Variants in GLI3 observed in about 807,000 individuals in gnomAD.
GLI3 encodes transcription activator GLI3.
Under a neutral mutation model 100.8 loss-of-function variants are expected in GLI3, and 20 were observed. That is an observed-to-expected ratio of 0.20 (90% CI 0.14 to 0.29). The LOEUF is 0.29. Ranked by LOEUF, GLI3 falls within the 10% of genes least tolerant of loss-of-function variation. The pLI is 1.00. For synonymous variants in GLI3, 938 were observed against 860.5 expected (o/e 1.09, Z -1.58); for missense variants, 2,040 against 2,128.5 (o/e 0.96, Z 0.82).
chr7:42,099,899 G>A (rs1323033929), intron 3 of GLI3, among the ~76,000 whole-genome samples: 2 of 152,254 alleles, frequency 1.3e-5, no homozygotes, highest in Admixed American at 6.5e-5. Context: ...CTCTGTGACA[G>A]CATGCACATG....
chr7:42,062,458 C>T (rs764694963), intron 4 of GLI3, among the ~76,000 whole-genome samples: 16 of 152,080 alleles, frequency 1.1e-4, no homozygotes, highest in Admixed American at 7.9e-4. Flanking sequence ...CCAGGAGAAA[C>T]GATAGGGTCT....
intron 3 of GLI3, among the ~76,000 whole-genome samples, chr7:42,090,004 C>T (rs1008044875): frequency 6.6e-6 from 1 of 152,168 alleles, no homozygotes; most frequent in African/African-American, 2.4e-5. Context: ...GCCTATTACT[C>T]GTAGGCTATA....
chr7:42,048,456 A>G (rs1273240577), intron 5 of GLI3, 35 bp downstream of exon 5: 5 of 1,399,372 alleles, frequency 3.6e-6, no homozygotes, highest in East Asian at 2.3e-5. Flanking sequence ...AGGAGGCTGC[A>G]TGATCTCCAG....
chr7:42,188,057 C>T (rs1787755083), intron 2 of GLI3, among the ~76,000 whole-genome samples: 1 of 145,220 alleles, frequency 6.9e-6, no homozygotes, highest in Non-Finnish European at 1.5e-5. Flanking sequence ...GAGGGGAGAA[C>T]ATCATGTAAA....
At chr7:42,187,958 G>C (rs1295642908) in intron 2 of GLI3, among the ~76,000 whole-genome samples, 1 of 136,582 alleles carries the variant, frequency 7.3e-6, no homozygotes, top group Non-Finnish European at 1.5e-5. Flanking sequence ...AGCCGAGATC[G>C]CGCCACTGCA....
intron 1 of GLI3, among the ~76,000 whole-genome samples, chr7:42,247,542 A>G (rs1009759600): frequency 6.6e-6 from 1 of 152,206 alleles, no homozygotes; most frequent in Non-Finnish European, 1.5e-5. Context: ...AAAATATTCC[A>G]TTCATTTTCC....
intron 3 of GLI3, among the ~76,000 whole-genome samples, chr7:42,139,778 G>A (rs6463092): frequency 0.71 from 107,655 of 152,182 alleles, 39,054 homozygotes; most frequent in Admixed American, 0.82. Context: ...TGGGAGGGGA[G>A]CCCTGTGACC....
chr7:42,200,032 GACA>G (rs1279583183), intron 2 of GLI3, among the ~76,000 whole-genome samples: 2 of 152,094 alleles, frequency 1.3e-5, no homozygotes, highest in East Asian at 1.9e-4. Flanking sequence ...TTCCAGCCTG[GACA>G]ACAACAGCAA....
At chr7:42,116,715 C>T (rs1221440173) in intron 3 of GLI3, among the ~76,000 whole-genome samples, 2 of 152,154 alleles carry the variant, frequency 1.3e-5, no homozygotes. Flanking sequence ...GGTCATCTTA[C>T]TGTATGTTTT....
chr7:42,065,977 A>G (rs560091004), intron 4 of GLI3, among the ~76,000 whole-genome samples: 5 of 152,302 alleles, frequency 3.3e-5, no homozygotes, highest in African/African-American at 1.2e-4. Context: ...GGCACTTAGC[A>G]AGCACTCTGC....
At chr7:42,089,183 C>A (rs560706956) in intron 3 of GLI3, among the ~76,000 whole-genome samples, 5 of 152,174 alleles carry the variant, frequency 3.3e-5, no homozygotes, top group Admixed American at 6.5e-5. Flanking sequence ...GCCCTAGGGA[C>A]TATAGCCTCA....
Position 42,053,653 on chromosome 7 carries a change from C to T in GLI3, c.474-4957G>A, listed in dbSNP as rs528712713. Among the ~76,000 whole-genome samples the T allele has an allele frequency of 7.2e-5, 11 of 152,286 alleles. No homozygotes were observed. In the East Asian group the frequency reaches 1.5e-3, roughly 21 times the overall value. ...CACACAGAAATGAACTGAGGATCAC[C>T]GCTTTCGGTCTTTGTGGCAGTCCAC... On this transcript the variant is annotated intron_variant, in intron 4 of 14. Transcript: ENST00000395925.
chr7:42,129,296 G>A (rs761588718), intron 3 of GLI3, among the ~76,000 whole-genome samples: 1 of 152,198 alleles, frequency 6.6e-6, no homozygotes, highest in Non-Finnish European at 1.5e-5. Flanking sequence ...GTTAGGAGTG[G>A]CAGAATTAGG....
intron 10 of GLI3, among the ~76,000 whole-genome samples, chr7:41,983,387 A>G (rs1269076370): frequency 1.3e-5 from 2 of 151,692 alleles, no homozygotes; most frequent in South Asian, 2.1e-4. Context: ...TAGGACTAAG[A>G]AAAAAAAACA....
rs1192164245 is a variant in GLI3, at chr7:41,965,664, T to G, written c.3409A>C (p.Ser1137Arg). 6.2e-7 allele frequency: 1 copy of G among 1,612,716 alleles called. No homozygotes were observed. The highest frequency in any genetic ancestry group is 1.7e-5 in the Admixed American group (1 of 59,978). Residue 1137 changes from serine to arginine, a missense_variant, in exon 15 of 15, where the codon AGC (serine) becomes CGC (arginine). Coordinates refer to ENST00000395925, the MANE Select transcript of GLI3 (RefSeq NM_000168.6). Reference protein sequence around the residue: ...GDFDAPGLPDSHAGQQFHALE... With the variant: ...GDFDAPGLPDRHAGQQFHALE... ...GCATGGAACTGCTGGCCAGCGTGGC[T>G]GTCTGGCAGCCCGGGCGCGTCAAAG...
chr7:42,047,264 A>T (rs1784263893), intron 5 of GLI3, among the ~76,000 whole-genome samples: 1 of 152,242 alleles, frequency 6.6e-6, no homozygotes, highest in Non-Finnish European at 1.5e-5. Context: ...AAAAAGAAAA[A>T]AGTGGCTGTT....
chr7:42,097,444 G>C (rs1785364148), intron 3 of GLI3, among the ~76,000 whole-genome samples: 1 of 152,158 alleles, frequency 6.6e-6, no homozygotes, highest in Non-Finnish European at 1.5e-5. Flanking sequence ...CCAGGCTCTG[G>C]TTAAGCACGA....
chr7:42,034,436 T>C (rs570573864), intron 7 of GLI3, among the ~76,000 whole-genome samples: 1 of 152,304 alleles, frequency 6.6e-6, no homozygotes, highest in East Asian at 1.9e-4. Context: ...CTTAGATTTC[T>C]GCTCTTCCAG....
chr7:42,014,662 A>G (rs1372679046), intron 10 of GLI3, among the ~76,000 whole-genome samples: 1 of 151,562 alleles, frequency 6.6e-6, no homozygotes, highest in East Asian at 1.9e-4. Context: ...CACCTTACTC[A>G]TTTTCCCACT....
Sources: allele counts gnomAD v4.1 joint callset (sites outside exome capture counted in the v4.1 genomes callset), GRCh38; gene constraint gnomAD v4.1.1; transcripts MANE v1.5; gene names NCBI Gene and HGNC (gene_info 2026-07-23, HGNC 2026-07-21).